The following AFF1 variants were observed in gnomAD, a reference collection of about 807,000 sequenced individuals.
AFF1 encodes the protein ALF transcription elongation factor 1.
In AFF1, 48 loss-of-function variants were observed where a neutral mutation model predicts 121.7. That is an observed-to-expected ratio of 0.39 (90% confidence interval 0.31 to 0.50). The LOEUF is 0.50. AFF1 is among the 20% of genes least tolerant of loss of function. The pLI is 0.76. For synonymous variants in AFF1, 613 were observed against 563.0 expected (o/e 1.09, Z -1.26); for missense variants, 1,523 against 1,511.7 (o/e 1.01, Z -0.12).
intron 12 of AFF1, among the ~76,000 whole-genome samples, chr4:87,117,852 C>CG (rs1412520859): frequency 1.3e-5 from 2 of 151,980 alleles, no homozygotes; most frequent in African/African-American, 2.4e-5. Flanking sequence ...AGGTTGTCCC[C>CG]CCTTCCTCAT....
chr4:87,021,485 T>G (rs1301383886), intron 2 of AFF1, among the ~76,000 whole-genome samples: 2 of 152,252 alleles, frequency 1.3e-5, no homozygotes, highest in Non-Finnish European at 2.9e-5. Flanking sequence ...ATAGGTGATT[T>G]ACATCTGGCT....
chr4:87,084,436 A>T (rs1178447288), intron 5 of AFF1, among the ~76,000 whole-genome samples: 1 of 151,948 alleles, frequency 6.6e-6, no homozygotes, highest in African/African-American at 2.4e-5. Flanking sequence ...CCAGCTACTC[A>T]GGAGGCTGAG....
intron 2 of AFF1, among the ~76,000 whole-genome samples, chr4:86,961,881 T>A (rs1722176222): frequency 6.6e-6 from 1 of 152,160 alleles, no homozygotes; most frequent in South Asian, 2.1e-4. Flanking sequence ...TTTTAGATTA[T>A]CTTTCTACAT....
At chr4:87,119,671 A>G (rs1217725261) in intron 12 of AFF1, among the ~76,000 whole-genome samples, 3 of 152,234 alleles carry the variant, frequency 2.0e-5, no homozygotes, top group South Asian at 2.1e-4. Context: ...TCATTCAGTC[A>G]TCTTACAGAT....
At chr4:86,988,110 G>A (rs1724430816) in intron 2 of AFF1, among the ~76,000 whole-genome samples, 1 of 149,224 alleles carries the variant, frequency 6.7e-6, no homozygotes, top group African/African-American at 2.5e-5. Context: ...TATACAATGT[G>A]TAATGATTAA....
intron 14 of AFF1, 28 bp downstream of exon 14, chr4:87,126,364 A>G: frequency 6.3e-7 from 1 of 1,594,524 alleles, no homozygotes; most frequent in Non-Finnish European, 8.6e-7. Flanking sequence ...TCACTCTGTA[A>G]GATGGGATGC....
Position 86,961,913 on chromosome 4 carries a change from C to T in AFF1, c.38+13342C>T, listed in dbSNP as rs1722180506. ...ACATCCGGCAGAGGCTTACTGTCCC[C>T]CGCAGAGCACTTGGTAAACGAGATA... is the stretch of plus-strand genomic sequence containing the variant. On this transcript the variant is annotated intron_variant, in intron 2 of 20. Coordinates refer to ENST00000395146, the MANE Select transcript of AFF1 (RefSeq NM_001166693.3). Among the ~76,000 whole-genome samples the T allele has an allele frequency of 2.6e-5, 4 of 152,054 alleles. No individual in the cohort carries two copies. The South Asian group carries it at 8.3e-4, about 32-fold the overall frequency.
chr4:87,024,152 G>A (rs140077004), intron 2 of AFF1, among the ~76,000 whole-genome samples: 13 of 152,158 alleles, frequency 8.5e-5, no homozygotes, highest in East Asian at 1.9e-4. Flanking sequence ...GGCAAGTGAC[G>A]GCTGATACAC....
At chr4:87,125,516 C>A (rs537777512) in intron 13 of AFF1, among the ~76,000 whole-genome samples, 58 of 152,072 alleles carry the variant, frequency 3.8e-4, no homozygotes, top group Non-Finnish European at 7.1e-4. Context: ...TGTGTTGGAG[C>A]CAGCATTTGG....
At chr4:87,010,943 G>T (rs1388166507) in intron 2 of AFF1, among the ~76,000 whole-genome samples, 1 of 152,162 alleles carries the variant, frequency 6.6e-6, no homozygotes, top group East Asian at 1.9e-4. Context: ...GCCGGGTGCG[G>T]TGGCGGGCGC....
chr4:86,969,879 C>CAAAAAAAAAAAAAAAAAA (rs70953629), intron 2 of AFF1, among the ~76,000 whole-genome samples: 4,595 of 63,380 alleles, frequency 0.072, 1,112 homozygotes, highest in Middle Eastern at 0.1. Context: ...GACTCCGTCT[C>CAAAAAAAAAAAAAAAAAA]AAAAAAAAAA....
intron 1 of AFF1, among the ~76,000 whole-genome samples, chr4:86,945,216 C>T (rs1289788215): frequency 6.6e-6 from 1 of 152,134 alleles, no homozygotes; most frequent in Non-Finnish European, 1.5e-5. Flanking sequence ...CTTAACTTGT[C>T]CAAGGTGATC....
At chr4:87,077,342 G>C (rs1380071849) in intron 4 of AFF1, among the ~76,000 whole-genome samples, 1 of 152,144 alleles carries the variant, frequency 6.6e-6, no homozygotes, top group South Asian at 2.1e-4. Context: ...CGTAGGGTGT[G>C]CCCAGAGCAC....
At position 87,136,378 on chromosome 4, in the gene AFF1, C is replaced by T. The variant is rs968205476; in HGVS notation, c.*677C>T. The T allele has an allele frequency of 1.3e-5, 3 of 232,190 alleles. No homozygotes were observed. The highest frequency in any genetic ancestry group is 1.7e-5 in the Non-Finnish European group (2 of 117,494). 14.4% of individuals were successfully genotyped at this position (232,190 alleles called of 1,614,324 possible). ...ATTGCCTAGAGCGCTGCACATTGAC[C>T]CCAGCTCTGACTTCTCATTACTGTG... On this transcript the variant is annotated 3_prime_UTR_variant, in exon 21 of 21. Coordinates refer to ENST00000395146, the MANE Select transcript of AFF1 (RefSeq NM_001166693.3).
At chr4:87,061,542 A>G (rs1720789884) in intron 4 of AFF1, among the ~76,000 whole-genome samples, 1 of 152,244 alleles carries the variant, frequency 6.6e-6, no homozygotes, top group Admixed American at 6.5e-5. Context: ...GCCAACATCT[A>G]AAAATTAGTA....
intron 12 of AFF1, among the ~76,000 whole-genome samples, chr4:87,116,100 G>A (rs771720376): frequency 2.6e-5 from 4 of 152,078 alleles, no homozygotes; most frequent in Admixed American, 6.5e-5. Context: ...ATATTTTAAC[G>A]CATGACCATA....
chr4:87,081,578 C>G (rs964624381), intron 4 of AFF1, among the ~76,000 whole-genome samples: 1 of 152,140 alleles, frequency 6.6e-6, no homozygotes, highest in Non-Finnish European at 1.5e-5. Context: ...ACTGTAAAGG[C>G]AGTTAGCTAG....
At chr4:87,108,496 A>ATTTGCT (rs1726153856) in intron 11 of AFF1, among the ~76,000 whole-genome samples, 181 bp downstream of exon 11, 1 of 152,142 alleles carries the variant, frequency 6.6e-6, no homozygotes, top group African/African-American at 2.4e-5. Flanking sequence ...TTCTTACCAA[A>ATTTGCT]TATTTAATAA....
intron 2 of AFF1, among the ~76,000 whole-genome samples, chr4:87,041,738 G>A (rs745874058): frequency 3.3e-5 from 5 of 151,820 alleles, no homozygotes; most frequent in Non-Finnish European, 5.9e-5. Flanking sequence ...TTGACAGCTG[G>A]GCGTGGTGGC....
Sources: allele counts gnomAD v4.1 joint callset (sites outside exome capture counted in the v4.1 genomes callset), GRCh38; gene constraint gnomAD v4.1.1; transcripts MANE v1.5; gene names NCBI Gene and HGNC (gene_info 2026-07-23, HGNC 2026-07-21).